Variants in COL22A1 observed in about 807,000 individuals in gnomAD.
COL22A1 encodes the protein collagen alpha-1(XXII) chain.
A neutral mutation model predicts 248.9 loss-of-function variants in COL22A1; 221 were observed. The observed-to-expected ratio is 0.89, with a 90% confidence interval of 0.80 to 0.99. The LOEUF (loss-of-function observed/expected upper bound fraction) is 0.99, where lower values mean the gene tolerates loss of function less well. Ranked by LOEUF, COL22A1 falls within the 50% of genes least tolerant of loss-of-function variation. The pLI, the probability that COL22A1 is intolerant of heterozygous loss-of-function variation, is 0.00. For synonymous variants in COL22A1, 891 were observed against 793.4 expected (o/e 1.12, Z -2.07); for missense variants, 2,240 against 2,179.0 (o/e 1.03, Z -0.56).
At chr8:138,703,482 C>G (rs899621050) in intron 30 of COL22A1, 135 bp from the exon 31 acceptor site, 8 of 680,546 alleles carry the variant, frequency 1.2e-5, no homozygotes, top group East Asian at 2.6e-5. Context: ...TAGGTGCACC[C>G]TGCACCTACC....
rs749054891 is a variant in COL22A1, at chr8:138,589,308, T to C, written c.4826A>G (p.Gln1609Arg). 3 of 1,613,622 alleles carry C rather than the reference T, an allele frequency of 1.9e-6. No individual in the cohort carries two copies. The highest frequency in any genetic ancestry group is 1.7e-5 in the Admixed American group (1 of 59,960). The change falls in exon 65 of 65, where the codon CAG becomes CGG. Residue 1609 changes from glutamine to arginine, a missense_variant. Transcript: ENST00000303045. ...AGCAAGGCTGGCGAAGTAGGCACACTGGGAAGGGTCACATTGGCCTGGGGG... is the reference window on the plus strand; with the variant it reads ...AGCAAGGCTGGCGAAGTAGGCACACCGGGAAGGGTCACATTGGCCTGGGGG... ...PGPPGQCDPS[Q>R]CAYFASLAAR...
chr8:138,913,407 A>G (rs1020173577), intron 1 of COL22A1, among the ~76,000 whole-genome samples: 1 of 152,188 alleles, frequency 6.6e-6, no homozygotes, highest in Admixed American at 6.5e-5. Context: ...TTAAGTCAAG[A>G]CACAGACACA....
At chr8:138,891,239 G>T (rs896301898) in intron 1 of COL22A1, among the ~76,000 whole-genome samples, 1 of 152,202 alleles carries the variant, frequency 6.6e-6, no homozygotes, top group Non-Finnish European at 1.5e-5. Flanking sequence ...ATTGCTTAAT[G>T]GTTGACAGAT....
chr8:138,808,376 T>TA (rs1422847419), intron 9 of COL22A1, among the ~76,000 whole-genome samples: 1 of 152,174 alleles, frequency 6.6e-6, no homozygotes, highest in African/African-American at 2.4e-5. Context: ...GTAAATAAAT[T>TA]AAAAAACCCA....
At chr8:138,653,941 G>C (rs1288533504) in intron 45 of COL22A1, among the ~76,000 whole-genome samples, 3 of 152,212 alleles carry the variant, frequency 2.0e-5, no homozygotes, top group Non-Finnish European at 2.9e-5. Context: ...TGTGGGACCA[G>C]TGAGTCTCCA....
chr8:138,725,360 C>T lies in COL22A1; in HGVS notation c.2193+27G>A, dbSNP rs368536582. On this transcript the variant is annotated intron_variant, in intron 24 of 64. Transcript: ENST00000303045. ...GCCAGGAAACCACCATCTAAGAGCCCCTGTAGAAAATCAAAGCCAGTCTTA... is the reference window on the plus strand; with the variant it reads ...GCCAGGAAACCACCATCTAAGAGCCTCTGTAGAAAATCAAAGCCAGTCTTA... 7.6e-5 allele frequency: 123 copies of T among 1,612,212 alleles called. No individual in the cohort carries two copies. The Middle Eastern group carries it at 1.2e-3, about 15-fold the overall frequency.
chr8:138,742,127 G>A (rs1179631074), intron 22 of COL22A1, among the ~76,000 whole-genome samples: 4 of 151,376 alleles, frequency 2.6e-5, no homozygotes, highest in Admixed American at 2.0e-4. Flanking sequence ...GGAGTTGATA[G>A]TGATGGTGGT....
chr8:138,823,100 T>C (rs537900382), intron 6 of COL22A1, among the ~76,000 whole-genome samples: 1 of 152,332 alleles, frequency 6.6e-6, no homozygotes, highest in African/African-American at 2.4e-5. Flanking sequence ...TGTGTGACCT[T>C]GGGTAAGTTA....
rs577010852 is a variant in COL22A1, at chr8:138,721,943, T to C, written c.2301+93A>G. ...GAATCCTGATCGAAGACCCAGGCAA[T>C]TGACTTGTTGTAGAATTCACCAACA... On this transcript the variant is annotated intron_variant, in intron 26 of 64. Coordinates refer to ENST00000303045, the MANE Select transcript of COL22A1 (RefSeq NM_152888.3). 9.9e-6 allele frequency: 10 copies of C among 1,010,414 alleles called. No homozygotes were observed. In the South Asian group the frequency reaches 1.2e-4, roughly 12 times the overall value. The allele number at this position is 1,010,414 out of a possible 1,614,324, so 62.6% of individuals were successfully genotyped here. A position where few individuals can be genotyped will look rare whatever the true frequency, so the allele number is the denominator to read the frequency against.
chr8:138,748,298 C>G (rs549491634), intron 22 of COL22A1, among the ~76,000 whole-genome samples: 25 of 152,332 alleles, frequency 1.6e-4, no homozygotes, highest in Middle Eastern at 3.4e-3. Context: ...CACTGAGCTC[C>G]TTAGCCGACC....
intron 44 of COL22A1, among the ~76,000 whole-genome samples, 182 bp from the exon 45 acceptor site, chr8:138,656,126 C>T (rs931756738): frequency 6.6e-6 from 1 of 152,222 alleles, no homozygotes; most frequent in African/African-American, 2.4e-5. Context: ...AACACTCCTC[C>T]AAGACAGCAA....
intron 56 of COL22A1, among the ~76,000 whole-genome samples, chr8:138,612,166 G>A (rs1245606410): frequency 6.6e-6 from 1 of 152,108 alleles, no homozygotes; most frequent in East Asian, 1.9e-4. Context: ...TTGGGTGGGG[G>A]TGAAAAGGGA....
intron 5 of COL22A1, among the ~76,000 whole-genome samples, chr8:138,830,716 A>G (rs1309405678): frequency 6.6e-6 from 1 of 152,162 alleles, no homozygotes; most frequent in Non-Finnish European, 1.5e-5. Context: ...CCCTTCCACT[A>G]GATTTGTGTA....
intron 41 of COL22A1, among the ~76,000 whole-genome samples, chr8:138,667,463 C>T (rs1824608562): frequency 6.6e-6 from 1 of 152,152 alleles, no homozygotes; most frequent in Non-Finnish European, 1.5e-5. Context: ...AAAAGGAAGA[C>T]AAGCTGCAAT....
intron 45 of COL22A1, among the ~76,000 whole-genome samples, chr8:138,654,630 G>A (rs1823059152): frequency 6.6e-6 from 1 of 152,108 alleles, no homozygotes; most frequent in Non-Finnish European, 1.5e-5. Flanking sequence ...AGCAGAAGGG[G>A]CCTCCTCACT....
At chr8:138,605,044 AT>A (rs1237306249) in intron 58 of COL22A1, among the ~76,000 whole-genome samples, 2 of 152,090 alleles carry the variant, frequency 1.3e-5, no homozygotes, top group African/African-American at 4.8e-5. Context: ...CAGGATATCG[AT>A]TTTACAAATA....
chr8:138,702,557 C>A (rs886286763), intron 31 of COL22A1, among the ~76,000 whole-genome samples: 4 of 151,354 alleles, frequency 2.6e-5, no homozygotes, highest in African/African-American at 9.7e-5. Flanking sequence ...GCAAACTTCC[C>A]TGAAATCAGC....
Position 138,802,912 on chromosome 8 carries a change from G to C in COL22A1, c.1517C>G (p.Pro506Arg). The C allele has an allele frequency of 1.9e-6, 3 of 1,613,832 alleles. No individual in the cohort carries two copies. In the Admixed American group the frequency reaches 5.0e-5, roughly 27 times the overall value. ...GPKGDIGAIG[P>R]VGAPGPKGEK... ...TCCCTTAGGTCCAGGAGCGCCAACCGGCCCAATGGCTCCTATGTCTCCCTG... is the reference window on the plus strand; with the variant it reads ...TCCCTTAGGTCCAGGAGCGCCAACCCGCCCAATGGCTCCTATGTCTCCCTG... Residue 506 changes from proline (P) to arginine (R), a missense_variant, in exon 11 of 65, where the codon CCG (proline) becomes CGG (arginine). Pro to Arg is a moderately radical substitution (Grantham distance 103). Coordinates refer to ENST00000303045, the MANE Select transcript of COL22A1 (RefSeq NM_152888.3).
intron 43 of COL22A1, among the ~76,000 whole-genome samples, chr8:138,660,851 C>A (rs62527893): frequency 0.68 from 90,715 of 133,698 alleles, 32,092 homozygotes; most frequent in Non-Finnish European, 0.81. Flanking sequence ...CACACACACA[C>A]ATACACAGAC....
Sources: allele counts gnomAD v4.1 joint callset (sites outside exome capture counted in the v4.1 genomes callset), GRCh38; gene constraint gnomAD v4.1.1; transcripts MANE v1.5; gene names NCBI Gene and HGNC (gene_info 2026-07-23, HGNC 2026-07-21).